NBAS: variants seen among roughly 807,000 people sequenced by gnomAD.
The protein encoded by NBAS is NBAS subunit of NRZ tethering complex.
Under a neutral mutation model 302.5 loss-of-function variants are expected in NBAS, and 219 were observed. The observed-to-expected ratio is 0.72, with a 90% CI of 0.65 to 0.81. NBAS has a LOEUF of 0.81. Ranked by LOEUF, NBAS falls within the 30% of genes least tolerant of loss-of-function variation. The pLI is 0.00. For synonymous variants in NBAS, 1,118 were observed against 1,021.6 expected, an observed-to-expected ratio of 1.09 and a Z score of -1.80; for missense variants, 2,932 against 2,841.6, an observed-to-expected ratio of 1.03 and a Z score of -0.72.
the NBAS span, among the ~76,000 whole-genome samples, chr2:14,873,060 C>G: frequency 2.6e-5 from 4 of 152,138 alleles, no homozygotes; most frequent in Admixed American, 2.0e-4. Context: ...GTGGCCGAGG[C>G]TAGCTCGGGT....
At position 15,504,208 on chromosome 2, in the gene NBAS, C is replaced by T. The variant is rs143803321; in HGVS notation, c.891G>A (p.Pro297=). The change falls in exon 11 of 52, where the codon CCG becomes CCA. Residue 297 remains proline, a synonymous_variant. Coordinates refer to ENST00000281513, the MANE Select transcript of NBAS (RefSeq NM_015909.4). ...ACATCCTTAATAATCCCAGTGTCTT[C>T]GGTACCTGCAAAATAAATGCATCAT... ...TNGGDGVTAV[P]KTLGLLRMLS... is the part of the protein sequence containing the mutation. The T allele has an allele frequency of 1.8e-4, 284 of 1,610,868 alleles. No individual in the cohort carries two copies. The African/African-American group carries it at 3.4e-3, about 19-fold the overall frequency.
chr2:15,011,471 G>A, the NBAS span, among the ~76,000 whole-genome samples: 368 of 152,196 alleles, frequency 2.4e-3, 3 homozygotes, highest in African/African-American at 8.5e-3. Flanking sequence ...GTTTCAGACC[G>A]GAGAAACAGA....
rs778646304 is a variant in NBAS at position 15,456,162 on chromosome 2, A to G, written c.2339+5039T>C. ...GCTTTACAAAACTTGGTCACATTTCATCAATGTCAAATACACATGATGATT... is the reference window on the plus strand; with the variant it reads ...GCTTTACAAAACTTGGTCACATTTCGTCAATGTCAAATACACATGATGATT... On this transcript the variant is annotated intron_variant, in intron 21 of 51. Transcript: ENST00000281513. 5.9e-5 allele frequency among the ~76,000 whole-genome samples: 9 copies of G among 152,350 alleles called. 1 individual carries two copies. The East Asian group carries it at 9.6e-4, about 16-fold the overall frequency.
chr2:14,814,180 G>A, the NBAS span, among the ~76,000 whole-genome samples: 1 of 152,242 alleles, frequency 6.6e-6, no homozygotes, highest in Non-Finnish European at 1.5e-5. Context: ...CCAGATCAGT[G>A]TGGAGGGAAA....
intron 28 of NBAS, among the ~76,000 whole-genome samples, chr2:15,383,603 T>C (rs1675149064): frequency 6.6e-6 from 1 of 152,148 alleles, no homozygotes; most frequent in African/African-American, 2.4e-5. Context: ...GAATGGTAAT[T>C]ACAGTAAAGG....
the NBAS span, among the ~76,000 whole-genome samples, chr2:14,956,943 A>T: frequency 6.6e-6 from 1 of 152,200 alleles, no homozygotes; most frequent in African/African-American, 2.4e-5. Flanking sequence ...TGCAGATAGG[A>T]TCTTTATAAA....
chr2:15,208,710 T>G (rs763773645), intron 48 of NBAS, among the ~76,000 whole-genome samples: 1 of 152,010 alleles, frequency 6.6e-6, no homozygotes. Context: ...AGTGGCCCAA[T>G]GAAGAAATGA....
At chr2:14,857,843 G>C in the NBAS span, among the ~76,000 whole-genome samples, 6 of 152,078 alleles carry the variant, frequency 3.9e-5, no homozygotes, top group Non-Finnish European at 7.4e-5. Flanking sequence ...AAGTTAAAAA[G>C]AATCTGCACA....
At chr2:14,970,108 A>G in the NBAS span, among the ~76,000 whole-genome samples, 1 of 152,336 alleles carries the variant, frequency 6.6e-6, no homozygotes, top group East Asian at 1.9e-4. Context: ...TAATTTTCTA[A>G]AATAAACTTT....
intron 9 of NBAS, among the ~76,000 whole-genome samples, chr2:15,519,386 T>C (rs1662553544): frequency 6.6e-6 from 1 of 152,124 alleles, no homozygotes; most frequent in Admixed American, 6.6e-5. Flanking sequence ...GGAATAAATA[T>C]GAGCAGAATC....
the NBAS span, among the ~76,000 whole-genome samples, chr2:14,788,299 C>T: frequency 6.6e-6 from 1 of 152,194 alleles, no homozygotes; most frequent in Non-Finnish European, 1.5e-5. Context: ...GTTTGATTGT[C>T]TGAAGCCTTC....
the NBAS span, among the ~76,000 whole-genome samples, chr2:14,909,271 G>A: frequency 6.8e-6 from 1 of 146,870 alleles, no homozygotes; most frequent in Non-Finnish European, 1.5e-5. Context: ...AGTGAGCCGG[G>A]ATTGTGCCAC....
the NBAS span, among the ~76,000 whole-genome samples, chr2:14,951,924 T>C: frequency 6.6e-6 from 1 of 152,212 alleles, no homozygotes. Flanking sequence ...TCCTCCGATT[T>C]TCACATATTC....
chr2:15,493,635 G>A (rs954475474), intron 11 of NBAS, among the ~76,000 whole-genome samples: 2 of 150,464 alleles, frequency 1.3e-5, no homozygotes, highest in African/African-American at 4.9e-5. Context: ...CCATTGCACT[G>A]CAGCCTGGGC....
chr2:14,798,190 A>C, the NBAS span, among the ~76,000 whole-genome samples: 5 of 152,332 alleles, frequency 3.3e-5, no homozygotes, highest in African/African-American at 9.6e-5. Context: ...GAAATCATTC[A>C]GTCCTTGACT....
At chr2:14,960,416 T>C in the NBAS span, among the ~76,000 whole-genome samples, 7 of 152,194 alleles carry the variant, frequency 4.6e-5, no homozygotes, top group African/African-American at 1.7e-4. Context: ...AATAATAGCT[T>C]CATTTGTAGA....
At chr2:15,208,411 T>C (rs1203286446) in intron 48 of NBAS, among the ~76,000 whole-genome samples, 4 of 152,094 alleles carry the variant, frequency 2.6e-5, no homozygotes, top group East Asian at 3.8e-4. Context: ...TGAGATTTGG[T>C]TGGGGACATA....
chr2:15,483,051 A>T lies in NBAS; in HGVS notation c.1084-4762T>A, dbSNP rs539658675. Among the ~76,000 whole-genome samples, 5 of 152,354 alleles carry T rather than the reference A, an allele frequency of 3.3e-5. No homozygotes were observed. In the East Asian group the frequency reaches 7.7e-4, roughly 23 times the overall value. Reference sequence around the variant, plus strand: ...TTTGTACAGAAAACCTATTACGGCTAAAGTAATGTTTTCTTTAGACTTGAG... The same window carrying T: ...TTTGTACAGAAAACCTATTACGGCTTAAGTAATGTTTTCTTTAGACTTGAG... On this transcript the variant is annotated intron_variant, in intron 12 of 51. Transcript: ENST00000281513.
chr2:14,953,557 G>A, the NBAS span, among the ~76,000 whole-genome samples: 1 of 152,302 alleles, frequency 6.6e-6, no homozygotes, highest in Admixed American at 6.5e-5. Flanking sequence ...ATGTGGGTAT[G>A]TGTGTCTGGT....
Sources: gnomAD v4.1 joint callset for allele counts (sites outside exome capture counted in the v4.1 genomes callset) on GRCh38, gnomAD v4.1.1 for gene constraint, MANE v1.5 for transcripts, NCBI Gene and HGNC (gene_info 2026-07-23, HGNC 2026-07-21) for gene names.